The following CAMSAP1 variants were observed in gnomAD, a reference collection of about 807,000 sequenced individuals.
CAMSAP1 encodes calmodulin regulated spectrin associated protein 1.
CAMSAP1 carries 58 observed loss-of-function variants against 143.5 expected under a neutral mutation model. The ratio of observed to expected loss-of-function variants is 0.40; its 90% confidence interval spans 0.33 to 0.50. The LOEUF is 0.50. Ranked by LOEUF, CAMSAP1 falls within the 20% of genes least tolerant of loss-of-function variation. The pLI is 0.45. For synonymous variants in CAMSAP1, 945 were observed against 859.3 expected, an observed-to-expected ratio of 1.10 and a Z score of -1.74; for missense variants, 1,969 against 2,115.7, an observed-to-expected ratio of 0.93 and a Z score of 1.36.
chr9:135,875,112 C>G (rs1169784734), intron 3 of CAMSAP1, among the ~76,000 whole-genome samples: 4 of 152,148 alleles, frequency 2.6e-5, no homozygotes, highest in African/African-American at 9.7e-5. Flanking sequence ...AGCTTCAATG[C>G]ATTCCCAATC....
At chr9:135,904,568 G>C (rs181028414) in intron 1 of CAMSAP1, among the ~76,000 whole-genome samples, 2 of 152,012 alleles carry the variant, frequency 1.3e-5, no homozygotes, top group South Asian at 2.1e-4. Context: ...CACTAGAATT[G>C]TAAGTATAAA....
chr9:135,828,625 C>A (rs1835756395), intron 7 of CAMSAP1, among the ~76,000 whole-genome samples: 1 of 152,176 alleles, frequency 6.6e-6, no homozygotes, highest in Admixed American at 6.5e-5. Context: ...ACCTCAAATT[C>A]TCAGATTACC....
At chr9:135,836,510 T>C in intron 7 of CAMSAP1, 15 of 978,912 alleles carry the variant, frequency 1.5e-5, no homozygotes, top group Non-Finnish European at 1.8e-5. Context: ...CACCACGCAC[T>C]TTCCACCCAT....
intron 7 of CAMSAP1, among the ~76,000 whole-genome samples, chr9:135,829,906 A>G (rs1278150769): frequency 1.3e-5 from 2 of 151,556 alleles, no homozygotes; most frequent in East Asian, 3.9e-4. Context: ...AGTTATGTTA[A>G]CAATTACATA....
chr9:135,890,256 C>A (rs1283643726), intron 1 of CAMSAP1, among the ~76,000 whole-genome samples: 15 of 152,126 alleles, frequency 9.9e-5, no homozygotes, highest in Admixed American at 6.5e-4. Context: ...TCTGCACACA[C>A]AATCCACACC....
At position 135,843,853 on chromosome 9, in the gene CAMSAP1, G is replaced by A. The variant is rs368200640; in HGVS notation, c.1045+6284C>T. On this transcript the variant is annotated intron_variant, in intron 7 of 16. Transcript: ENST00000389532. ...CGCGCCACTGCTCTCCAACCTGGGCGACAGAGCAAGACTCCGTCTCAAAAA... is the reference window on the plus strand; with the variant it reads ...CGCGCCACTGCTCTCCAACCTGGGCAACAGAGCAAGACTCCGTCTCAAAAA... Among the ~76,000 whole-genome samples, 169 of 130,548 alleles carry A rather than the reference G, an allele frequency of 1.3e-3. No individual in the cohort carries two copies. The East Asian group carries it at 0.014, about 11-fold the overall frequency. The allele number at this position is 130,548 out of a possible 152,430, so 85.6% of individuals were successfully genotyped here. A position where few individuals can be genotyped will look rare whatever the true frequency, so the allele number is the denominator to read the frequency against.
At chr9:135,873,368 A>G (rs1291048143) in intron 3 of CAMSAP1, among the ~76,000 whole-genome samples, 1 of 152,204 alleles carries the variant, frequency 6.6e-6, no homozygotes, top group East Asian at 1.9e-4. Flanking sequence ...CTGCCTTCAA[A>G]ATGAAAAAAG....
At chr9:135,865,243 G>A in intron 4 of CAMSAP1, 1 of 1,317,912 alleles carries the variant, frequency 7.6e-7, no homozygotes, top group Non-Finnish European at 1.1e-6. Flanking sequence ...CAAAAAAACA[G>A]TTTTGGGTGC....
intron 1 of CAMSAP1, among the ~76,000 whole-genome samples, chr9:135,905,095 G>C (rs1329620740): frequency 2.0e-5 from 3 of 152,190 alleles, no homozygotes; most frequent in East Asian, 3.8e-4. Flanking sequence ...TCCAGCTCCT[G>C]TTCATGTTTC....
At chr9:135,860,710 C>T (rs1425421516) in intron 5 of CAMSAP1, among the ~76,000 whole-genome samples, 1 of 134,316 alleles carries the variant, frequency 7.4e-6, no homozygotes, top group African/African-American at 3.2e-5. Context: ...GTGTCTAGTT[C>T]TCTTTTTAAT....
chr9:135,815,273 A>T (rs1835190312), intron 15 of CAMSAP1, 58 bp from the exon 16 acceptor site: 1 of 1,155,640 alleles, frequency 8.7e-7, no homozygotes, highest in African/African-American at 1.6e-5. Flanking sequence ...ACACACACAA[A>T]AAAGAAAACC....
At chr9:135,848,607 C>T (rs907229764) in intron 7 of CAMSAP1, among the ~76,000 whole-genome samples, 6 of 152,170 alleles carry the variant, frequency 3.9e-5, no homozygotes, top group African/African-American at 1.4e-4. Context: ...CCAGCCTGTC[C>T]ATGTGATTCT....
chr9:135,885,244 C>G (rs1245209774), intron 1 of CAMSAP1, among the ~76,000 whole-genome samples: 1 of 152,192 alleles, frequency 6.6e-6, no homozygotes, highest in African/African-American at 2.4e-5. Context: ...CTAGAAATAC[C>G]ACAGACACAC....
chr9:135,820,022 C>T lies in CAMSAP1; in HGVS notation c.3822+817G>A, dbSNP rs141799355. ...GCAGAAACAGTTGCGTGTCGCTTGC[C>T]GAGAGAAAACGTTCTGAGAAATAGG... is the stretch of plus-strand genomic sequence containing the variant. On this transcript the variant is annotated intron_variant, in intron 11 of 16. Coordinates refer to ENST00000389532, the MANE Select transcript of CAMSAP1 (RefSeq NM_015447.4). The surrounding 1 kb of genome is among the most constrained non-coding windows in gnomAD (Gnocchi z 4.4). 1.9e-3 allele frequency among the ~76,000 whole-genome samples: 291 copies of T among 152,284 alleles called. No homozygotes were observed. Among genetic ancestry groups the T allele is most frequent in the African/African-American group, 6.7e-3 (280 of 41,546 alleles).
Position 135,819,111 on chromosome 9 carries a change from C to T in CAMSAP1, c.3858G>A (p.Lys1286=). The T allele has an allele frequency of 3.1e-6, 5 of 1,601,882 alleles. No homozygotes were observed. Among genetic ancestry groups the T allele is most frequent in the Non-Finnish European group, 4.3e-6 (5 of 1,175,558 alleles). Reference sequence around the variant, plus strand: ...GCTGCTTCAGGAGGAAGGCCGCCCGCTTCTTGGCGAGCTCATCTTCCGCTT... The same window carrying T: ...GCTGCTTCAGGAGGAAGGCCGCCCGTTTCTTGGCGAGCTCATCTTCCGCTT... ...EQKAEDELAK[K]RAAFLLKQQR... Residue 1286 remains lysine, a synonymous_variant, in exon 12 of 17, where the codon AAG becomes AAA. Coordinates refer to ENST00000389532, the MANE Select transcript of CAMSAP1 (RefSeq NM_015447.4).
rs1835588583 is a variant in CAMSAP1 at position 135,824,115 on chromosome 9, G to GA, written c.1316-82dup. On this transcript the variant is annotated intron_variant, in intron 9 of 16. Coordinates refer to ENST00000389532, the MANE Select transcript of CAMSAP1 (RefSeq NM_015447.4). The surrounding 1 kb of genome is among the most constrained non-coding windows in gnomAD (Gnocchi z 4.1). ...TTCTTTCAATATGACCATTTGTCCA[G>GA]AAAAATGCCTCTCAAGTCAGTACAC... 17 of 1,264,770 alleles carry GA rather than the reference G, an allele frequency of 1.3e-5. No individual in the cohort carries two copies. The East Asian group carries it at 3.5e-4, about 26-fold the overall frequency. 78.3% of individuals were successfully genotyped at this position (1,264,770 alleles called of 1,614,324 possible). A position where few individuals can be genotyped will look rare whatever the true frequency, so the allele number is the denominator to read the frequency against.
intron 3 of CAMSAP1, among the ~76,000 whole-genome samples, chr9:135,881,034 T>C (rs1837929948): frequency 6.6e-6 from 1 of 152,002 alleles, no homozygotes; most frequent in African/African-American, 2.4e-5. Context: ...AGGTGCATAC[T>C]ATGAAAATAA....
chr9:135,833,959 G>A (rs540277832), intron 7 of CAMSAP1, among the ~76,000 whole-genome samples: 2 of 152,202 alleles, frequency 1.3e-5, no homozygotes, highest in South Asian at 2.1e-4. Context: ...CAACTCAATC[G>A]CAAAAATACA....
At chr9:135,871,280 C>A (rs1837562334) in intron 3 of CAMSAP1, among the ~76,000 whole-genome samples, 1 of 152,108 alleles carries the variant, frequency 6.6e-6, no homozygotes, top group Admixed American at 6.5e-5. Context: ...CCTCAATCTC[C>A]CAGGCTCAAG....
Sources: allele counts gnomAD v4.1 joint callset (sites outside exome capture counted in the v4.1 genomes callset), GRCh38; gene constraint gnomAD v4.1.1; non-coding constraint Gnocchi (gnomAD v3.1); transcripts MANE v1.5; gene names NCBI Gene and HGNC (gene_info 2026-07-23, HGNC 2026-07-21).